The following DPP10 variants were observed in gnomAD, a reference collection of about 807,000 sequenced individuals.
DPP10 encodes the protein inactive dipeptidyl peptidase 10.
A neutral mutation model predicts 120.9 loss-of-function variants in DPP10; 33 were observed. That is an observed-to-expected ratio of 0.27 (90% CI 0.21 to 0.37). The LOEUF (loss-of-function observed/expected upper bound fraction) is 0.37, where lower values mean the gene tolerates loss of function less well. Ranked by LOEUF, DPP10 falls within the 10% of genes least tolerant of loss-of-function variation. DPP10 has a pLI of 1.00. For missense variants in DPP10, 816 were observed against 942.8 expected (o/e 0.87, Z 1.76); for synonymous variants, 337 against 326.1 (o/e 1.03, Z -0.36).
At chr2:115,026,114 C>T (rs1454893568) in intron 1 of DPP10, among the ~76,000 whole-genome samples, 2 of 152,090 alleles carry the variant, frequency 1.3e-5, no homozygotes, top group Non-Finnish European at 2.9e-5. Context: ...TATACTAGAA[C>T]ATTTCCCTAA....
intron 21 of DPP10, among the ~76,000 whole-genome samples, chr2:115,827,828 C>T (rs1283729643): frequency 6.6e-6 from 1 of 151,972 alleles, no homozygotes; most frequent in Non-Finnish European, 1.5e-5. Context: ...AACTCCTGAC[C>T]TCAGGTGATC....
intron 1 of DPP10, among the ~76,000 whole-genome samples, chr2:114,875,278 A>G (rs1333860852): frequency 3.3e-5 from 5 of 152,176 alleles, no homozygotes; most frequent in African/African-American, 9.6e-5. Context: ...GGGTGGGCAT[A>G]GGGAGAAATA....
At chr2:114,715,985 T>A (rs2105886067) in intron 1 of DPP10, among the ~76,000 whole-genome samples, 1 of 152,052 alleles carries the variant, frequency 6.6e-6, no homozygotes, top group East Asian at 1.9e-4. Context: ...GTTTTTATAC[T>A]GGACTTGAAA....
rs530759564 is a variant in DPP10, at chr2:115,146,598, A to C, written c.61-162641A>C. On this transcript the variant is annotated intron_variant, in intron 1 of 25. Transcript: ENST00000410059. Reference sequence around the variant, plus strand: ...AATTTGACAACAGGGGAAAAAAAAAAAACAACCTCGAGTCTTTCAAATATC... The same window carrying C: ...AATTTGACAACAGGGGAAAAAAAAACAACAACCTCGAGTCTTTCAAATATC... Among the ~76,000 whole-genome samples the C allele has an allele frequency of 3.2e-4, 49 of 152,036 alleles. No individual in the cohort carries two copies. In the East Asian group the frequency reaches 8.3e-3, roughly 26 times the overall value.
chr2:114,666,872 G>A (rs1034959941), intron 1 of DPP10, among the ~76,000 whole-genome samples: 12 of 152,120 alleles, frequency 7.9e-5, no homozygotes, highest in East Asian at 3.8e-4. Flanking sequence ...TGTCTTAATC[G>A]TAACTATATA....
intron 1 of DPP10, among the ~76,000 whole-genome samples, chr2:115,037,821 C>T (rs1057037951): frequency 1.3e-5 from 2 of 152,164 alleles, no homozygotes. Context: ...TTTAACTTGT[C>T]ATCCAGTGGT....
chr2:115,332,883 G>T (rs2062843885), intron 2 of DPP10, among the ~76,000 whole-genome samples: 1 of 151,958 alleles, frequency 6.6e-6, no homozygotes, highest in Admixed American at 6.6e-5. Flanking sequence ...GTGTGGTGCT[G>T]AAAAAATGTA....
chr2:115,732,415 GT>G (rs2092932259), intron 8 of DPP10, among the ~76,000 whole-genome samples: 1 of 152,056 alleles, frequency 6.6e-6, no homozygotes, highest in Non-Finnish European at 1.5e-5. Context: ...TTTTAGTATT[GT>G]TTAGTTCCTA....
intron 1 of DPP10, among the ~76,000 whole-genome samples, chr2:114,891,293 C>T (rs1574427769): frequency 2.6e-5 from 4 of 152,146 alleles, no homozygotes; most frequent in East Asian, 3.9e-4. Context: ...AAAAACGCAC[C>T]GTGGGGTCAC....
chr2:115,603,556 T>TGTA (rs2083485430), intron 5 of DPP10, among the ~76,000 whole-genome samples: 1 of 29,050 alleles, frequency 3.4e-5, no homozygotes, highest in African/African-American at 1.5e-4. Context: ...TTTTCGTTGT[T>TGTA]GTTGTTTTTT....
intron 19 of DPP10, among the ~76,000 whole-genome samples, chr2:115,800,616 G>A (rs1190905768): frequency 6.6e-6 from 1 of 152,046 alleles, no homozygotes; most frequent in Non-Finnish European, 1.5e-5. Flanking sequence ...TTTTGTATAA[G>A]GTGTAAGGGA....
At chr2:114,645,102 A>G (rs1328117703) in intron 1 of DPP10, among the ~76,000 whole-genome samples, 1 of 149,938 alleles carries the variant, frequency 6.7e-6, no homozygotes, top group African/African-American at 2.5e-5. Context: ...AGTGACGGGA[A>G]TAAGTGCGGG....
intron 1 of DPP10, among the ~76,000 whole-genome samples, chr2:115,276,170 C>A (rs906529219): frequency 1.3e-5 from 2 of 152,018 alleles, no homozygotes; most frequent in Non-Finnish European, 2.9e-5. Flanking sequence ...AGAAAACACT[C>A]GAATGGCAGG....
intron 4 of DPP10, among the ~76,000 whole-genome samples, chr2:115,513,925 T>C (rs1196731614): frequency 6.6e-6 from 1 of 152,052 alleles, no homozygotes; most frequent in Non-Finnish European, 1.5e-5. Context: ...GACTTCTTCC[T>C]TTAGTGTTTC....
intron 4 of DPP10, among the ~76,000 whole-genome samples, chr2:115,523,670 T>G (rs529676627): frequency 6.6e-6 from 1 of 152,228 alleles, no homozygotes; most frequent in African/African-American, 2.4e-5. Context: ...GTTGGATACT[T>G]TGTGTATCCA....
Position 115,842,211 on chromosome 2 carries a change from G to T in DPP10, c.2257G>T (p.Val753Phe). ...ATCTTCTTTCTCCTCAATATCTTAG[G>T]TCTACCCAGATGAAGGTCATAACGT... ...IKAGVNYTMQ[V>F]YPDEGHNVSE... Residue 753 changes from valine (V) to phenylalanine (F), a missense_variant and splice_region_variant, in exon 26 of 26, where the codon GTC (valine) becomes TTC (phenylalanine). By Grantham distance (50) the Val-to-Phe change is conservative. Around this residue, in one of 3 missense-constraint regions of DPP10, gnomAD observed 592 missense variants for 649.0 expected, o/e 0.91. Transcript: ENST00000410059. The T allele has an allele frequency of 6.2e-7, 1 of 1,604,416 alleles. No individual in the cohort carries two copies. Among genetic ancestry groups the T allele is most frequent in the Non-Finnish European group, 8.5e-7 (1 of 1,173,194 alleles).
intron 1 of DPP10, among the ~76,000 whole-genome samples, chr2:114,889,492 G>A (rs572648613): frequency 7.3e-5 from 11 of 151,374 alleles, no homozygotes; most frequent in African/African-American, 2.7e-4. Flanking sequence ...TTATCACTTG[G>A]GCTTACCATT....
chr2:115,264,490 C>A (rs1192063787), intron 1 of DPP10, among the ~76,000 whole-genome samples: 1 of 152,162 alleles, frequency 6.6e-6, no homozygotes. Flanking sequence ...TATTAACTCA[C>A]ATTCGATTAG....
chr2:114,687,079 G>A (rs1032121726), intron 1 of DPP10, among the ~76,000 whole-genome samples: 2 of 151,892 alleles, frequency 1.3e-5, no homozygotes, highest in African/African-American at 2.4e-5. Flanking sequence ...AAATTCCCAC[G>A]TAGGATAGGG....
Sources: allele counts gnomAD v4.1 joint callset (sites outside exome capture counted in the v4.1 genomes callset), GRCh38; gene constraint gnomAD v4.1.1; regional missense constraint gnomAD v4.1.1; transcripts MANE v1.5; gene names NCBI Gene and HGNC (gene_info 2026-07-23, HGNC 2026-07-21).